The following OTOA variants were observed in gnomAD, a reference collection of about 807,000 sequenced individuals.
OTOA encodes otoancorin, also known as cancer/testis antigen 108.
Under a neutral mutation model 110.8 loss-of-function variants are expected in OTOA, and 70 were observed. That is an observed-to-expected ratio of 0.63 (90% CI 0.52 to 0.77). The LOEUF (loss-of-function observed/expected upper bound fraction) is 0.77. OTOA is among the 30% of genes least tolerant of loss of function. The probability of loss-of-function intolerance (pLI) is 0.00; values close to 1 mark genes in which losing one functional copy is unlikely to be tolerated. For missense variants in OTOA, 917 were observed against 1,075.8 expected (o/e 0.85, Z 2.06); for synonymous variants, 373 against 431.5 (o/e 0.86, Z 1.68).
intron 17 of OTOA, among the ~76,000 whole-genome samples, chr16:21,722,107 A>AG (rs1310232656): frequency 1.3e-5 from 2 of 150,690 alleles, no homozygotes; most frequent in Non-Finnish European, 3.0e-5. Flanking sequence ...CAAAAAAAAA[A>AG]AAAAATTAGC....
chr16:21,714,337 CTT>C (rs1898463087), intron 13 of OTOA, among the ~76,000 whole-genome samples: 1 of 125,878 alleles, frequency 7.9e-6, no homozygotes, highest in South Asian at 2.7e-4. Flanking sequence ...TCCTTCCTTT[CTT>C]TCTTTCTTTC....
rs1898664447 is a variant in OTOA at position 21,719,524 on chromosome 16, C to T, written c.1806+20C>T. The stretch of plus-strand genomic sequence containing the variant: ...TATCAGGTACCGTTAAAGCATTTTC[C>T]AGCTTCTAATTCTCTCTCCCTACCC... On this transcript the variant is annotated intron_variant, in intron 17 of 28. Transcript: ENST00000646100. The T allele has an allele frequency of 6.2e-7, 1 of 1,603,486 alleles. No individual in the cohort carries two copies. Among genetic ancestry groups the T allele is most frequent in the Non-Finnish European group, 8.5e-7 (1 of 1,170,428 alleles).
chr16:21,702,700 G>A (rs990571904), intron 11 of OTOA, among the ~76,000 whole-genome samples: 17 of 152,050 alleles, frequency 1.1e-4, no homozygotes, highest in African/African-American at 2.9e-4. Context: ...TTATTGAGAC[G>A]GAGTCTCACT....
At chr16:21,665,067 T>C (rs111770498) in intron 1 of OTOA, among the ~76,000 whole-genome samples, 6,653 of 152,244 alleles carry the variant, frequency 0.044, 176 homozygotes, top group African/African-American at 0.076. Context: ...CCATGCCTAC[T>C]ATGCAGAGGA....
At chr16:21,722,284 A>G (rs949607919) in intron 17 of OTOA, among the ~76,000 whole-genome samples, 9 of 149,362 alleles carry the variant, frequency 6.0e-5, no homozygotes, top group African/African-American at 9.8e-5. Flanking sequence ...AAAAAAAAAC[A>G]CAAGTGAGCT....
At chr16:21,721,225 T>G (rs998716106) in intron 17 of OTOA, 17 of 416,382 alleles carry the variant, frequency 4.1e-5, no homozygotes, top group Non-Finnish European at 6.8e-5. Context: ...TGAAAACACA[T>G]AATTATTACA....
intron 1 of OTOA, among the ~76,000 whole-genome samples, chr16:21,675,904 G>A (rs1341846356): frequency 6.6e-6 from 1 of 151,990 alleles, no homozygotes; most frequent in Non-Finnish European, 1.5e-5. Flanking sequence ...CTGCTTCCTA[G>A]TATGCCTGGT....
intron 18 of OTOA, among the ~76,000 whole-genome samples, chr16:21,725,622 C>A (rs1187084609): frequency 6.6e-6 from 1 of 152,024 alleles, no homozygotes; most frequent in Non-Finnish European, 1.5e-5. Flanking sequence ...AAGGAGATAG[C>A]AATGACAGGC....
chr16:21,684,609 C>T (rs1293670154), intron 6 of OTOA: 1 of 1,413,840 alleles, frequency 7.1e-7, no homozygotes, highest in Non-Finnish European at 9.8e-7. Flanking sequence ...CTTCAACAAG[C>T]AGCTGTCCCT....
rs1897971678 is a variant in OTOA, at chr16:21,697,711, C to T, written c.740-64C>T. On this transcript the variant is annotated intron_variant, in intron 9 of 28. Transcript: ENST00000646100. ...ACAGCAAAGATGCTGTTGACTATCACATACCAGTGTAAAGGCTTTTATTTA... is the reference window on the plus strand; with the variant it reads ...ACAGCAAAGATGCTGTTGACTATCATATACCAGTGTAAAGGCTTTTATTTA... 5 of 1,373,552 alleles carry T rather than the reference C, an allele frequency of 3.6e-6. No homozygotes were observed. The South Asian group carries it at 5.8e-5, about 16-fold the overall frequency. 85.1% of individuals were successfully genotyped at this position (1,373,552 alleles called of 1,614,324 possible).
At chr16:21,678,456 A>G (rs1017935069) in intron 1 of OTOA, 55 bp from the exon 2 acceptor site, 199 of 774,544 alleles carry the variant, frequency 2.6e-4, no homozygotes, top group East Asian at 5.2e-4. Context: ...GTGTGTGTGT[A>G]TATATATATA....
chr16:21,697,637 A>T, intron 9 of OTOA, 138 bp from the exon 10 acceptor site: 1 of 804,506 alleles, frequency 1.2e-6, no homozygotes, highest in Non-Finnish European at 2.0e-6. Context: ...GTCTCAAAAA[A>T]CCCCGAAAAA....
chr16:21,728,186 C>T (rs1450504522), intron 19 of OTOA, 55 bp from the exon 20 acceptor site: 2 of 1,606,878 alleles, frequency 1.2e-6, no homozygotes, highest in Non-Finnish European at 1.7e-6. Flanking sequence ...TTTCTAATGG[C>T]TCACGATCTT....
chr16:21,754,005 A>G lies in OTOA; in HGVS notation c.3153+881A>G, dbSNP rs1899909090. Reference sequence around the variant, plus strand: ...AACCCGGGAGACAGAGGTTGCAATGAGCCAAGACCACACCATTGCACTCCA... The same window carrying G: ...AACCCGGGAGACAGAGGTTGCAATGGGCCAAGACCACACCATTGCACTCCA... On this transcript the variant is annotated intron_variant, in intron 27 of 28. Coordinates refer to ENST00000646100, the MANE Select transcript of OTOA (RefSeq NM_144672.4). Among the ~76,000 whole-genome samples the G allele has an allele frequency of 4.4e-5, 6 of 136,812 alleles. No individual in the cohort carries two copies. In the South Asian group the frequency reaches 1.6e-3, roughly 36 times the overall value. The allele number at this position is 136,812 out of a possible 152,430, so 89.8% of individuals were successfully genotyped here.
chr16:21,678,711 T>C, intron 2 of OTOA, 106 bp downstream of exon 2: 1 of 1,192,608 alleles, frequency 8.4e-7, no homozygotes, highest in Non-Finnish European at 1.2e-6. Context: ...TTTTGGGCTG[T>C]GTGTGTGTGC....
At position 21,678,615 on chromosome 16, in the gene OTOA, G is replaced by C. The variant is rs1567362892; in HGVS notation, c.91+10G>C. On this transcript the variant is annotated intron_variant, in intron 2 of 28. Coordinates refer to ENST00000646100, the MANE Select transcript of OTOA (RefSeq NM_144672.4). ...CCAAATTCCAGGCAGGGTAAGTCCTGAGGGAAGAATCACCCTTTGTGGTTT... is the reference window on the plus strand; with the variant it reads ...CCAAATTCCAGGCAGGGTAAGTCCTCAGGGAAGAATCACCCTTTGTGGTTT... The C allele has an allele frequency of 6.2e-7, 1 of 1,609,352 alleles. No homozygotes were observed. Among genetic ancestry groups the C allele is most frequent in the Non-Finnish European group, 8.5e-7 (1 of 1,175,952 alleles).
At chr16:21,679,341 A>G in intron 5 of OTOA, 130 bp downstream of exon 5, 1 of 1,032,324 alleles carries the variant, frequency 9.7e-7, no homozygotes, top group Non-Finnish European at 1.5e-6. Context: ...ACAATGTGTT[A>G]AAAGTCAACA....
At chr16:21,677,750 G>A (rs906009765) in intron 1 of OTOA, among the ~76,000 whole-genome samples, 3 of 152,208 alleles carry the variant, frequency 2.0e-5, no homozygotes, top group African/African-American at 7.2e-5. Flanking sequence ...CCAAAGTGCT[G>A]GGATTACAGG....
intron 5 of OTOA, 117 bp downstream of exon 5, chr16:21,679,328 T>C (rs568210413): frequency 2.6e-6 from 3 of 1,160,960 alleles, no homozygotes; most frequent in East Asian, 2.5e-5. Context: ...TGTCAATCAA[T>C]GCACAATGTG....
Sources: gnomAD v4.1 joint callset for allele counts (sites outside exome capture counted in the v4.1 genomes callset) on GRCh38, gnomAD v4.1.1 for gene constraint, MANE v1.5 for transcripts, NCBI Gene and HGNC (gene_info 2026-07-23, HGNC 2026-07-21) for gene names.